CSTPP1: variants seen among roughly 807,000 people sequenced by gnomAD.
CSTPP1 encodes the protein UPF0705 protein C11orf49.
At chr11:47,151,338 A>T in the CSTPP1 span, among the ~76,000 whole-genome samples, 1 of 150,842 alleles carries the variant, frequency 6.6e-6, no homozygotes, top group Non-Finnish European at 1.5e-5. Context: ...GCTTGAACCT[A>T]GGGGGCGGAG....
chr11:47,049,982 T>A, the CSTPP1 span, among the ~76,000 whole-genome samples: 1 of 152,086 alleles, frequency 6.6e-6, no homozygotes, highest in Non-Finnish European at 1.5e-5. Flanking sequence ...ATTAATCAGA[T>A]ACACTGAAAA....
chr11:47,017,667 C>CTTT, the CSTPP1 span, among the ~76,000 whole-genome samples: 1 of 133,476 alleles, frequency 7.5e-6, no homozygotes, highest in African/African-American at 2.7e-5. Context: ...AATATATAAA[C>CTTT]TTTTTTTTTT....
chr11:47,076,846 A>AT, the CSTPP1 span, among the ~76,000 whole-genome samples: 1 of 152,000 alleles, frequency 6.6e-6, no homozygotes, highest in East Asian at 1.9e-4. Context: ...AAAAAAAAAA[A>AT]GGAACAAGAA....
the CSTPP1 span, chr11:47,162,031 C>G: frequency 9.9e-7 from 1 of 1,006,540 alleles, no homozygotes; most frequent in East Asian, 1.1e-4. Context: ...CGAATAGCCA[C>G]GCAGGGCCTT....
At chr11:47,126,815 A>G in the CSTPP1 span, among the ~76,000 whole-genome samples, 1 of 151,374 alleles carries the variant, frequency 6.6e-6, no homozygotes, top group Non-Finnish European at 1.5e-5. Flanking sequence ...GACTGTGGTC[A>G]CAGCTATTTG....
At chr11:46,945,686 T>TC in the CSTPP1 span, among the ~76,000 whole-genome samples, 1 of 152,034 alleles carries the variant, frequency 6.6e-6, no homozygotes, top group African/African-American at 2.4e-5. Flanking sequence ...TTCCTTTTCC[T>TC]CCCCCTACCC....
At chr11:46,947,827 T>A in the CSTPP1 span, among the ~76,000 whole-genome samples, 1 of 152,306 alleles carries the variant, frequency 6.6e-6, no homozygotes, top group Non-Finnish European at 1.5e-5. Flanking sequence ...TCAGATCAGG[T>A]GTTTTTTAAA....
At chr11:47,059,295 A>T in the CSTPP1 span, among the ~76,000 whole-genome samples, 1 of 152,326 alleles carries the variant, frequency 6.6e-6, no homozygotes, top group Non-Finnish European at 1.5e-5. Context: ...CACATTCTGT[A>T]CATCTATCCC....
chr11:46,946,693 A>G, the CSTPP1 span, among the ~76,000 whole-genome samples: 1 of 152,240 alleles, frequency 6.6e-6, no homozygotes, highest in Non-Finnish European at 1.5e-5. Flanking sequence ...ATAGTAGAGC[A>G]GAAGAGACAT....
At chr11:47,055,558 T>G in the CSTPP1 span, among the ~76,000 whole-genome samples, 1 of 152,146 alleles carries the variant, frequency 6.6e-6, no homozygotes, top group Non-Finnish European at 1.5e-5. Context: ...TTTCTAAAAC[T>G]TTTCCACCCA....
the CSTPP1 span, chr11:47,155,487 C>G: frequency 1.7e-6 from 1 of 582,444 alleles, no homozygotes. Context: ...CTGAACACCG[C>G]AGTGTTTTCA....
chr11:47,151,205 A>G, the CSTPP1 span, among the ~76,000 whole-genome samples: 5 of 152,226 alleles, frequency 3.3e-5, no homozygotes, highest in Non-Finnish European at 5.9e-5. Context: ...TGAGGTCAAG[A>G]GATCAAGACC....
the CSTPP1 span, among the ~76,000 whole-genome samples, chr11:47,060,039 G>A: frequency 6.6e-6 from 1 of 151,488 alleles, no homozygotes; most frequent in Non-Finnish European, 1.5e-5. Context: ...GGGAGGTGGA[G>A]GTTGCAGTGA....
the CSTPP1 span, chr11:47,041,699 C>T: frequency 8.0e-6 from 4 of 499,158 alleles, 1 homozygote; most frequent in Middle Eastern, 4.8e-4. Flanking sequence ...TCAATTTCCA[C>T]AGTGAAGAGG....
chr11:47,085,834 G>A, the CSTPP1 span, among the ~76,000 whole-genome samples: 1 of 151,380 alleles, frequency 6.6e-6, no homozygotes, highest in Non-Finnish European at 1.5e-5. Context: ...AGCCAAGGTC[G>A]CACCATTGCA....
At chr11:47,068,774 TTCTA>T in the CSTPP1 span, among the ~76,000 whole-genome samples, 6 of 152,206 alleles carry the variant, frequency 3.9e-5, no homozygotes, top group Admixed American at 1.3e-4. Context: ...TTGCATTTGC[TTCTA>T]TACCAGATCA....
the CSTPP1 span, among the ~76,000 whole-genome samples, chr11:47,030,654 T>G: frequency 6.6e-6 from 1 of 152,186 alleles, no homozygotes; most frequent in Non-Finnish European, 1.5e-5. Context: ...TTGTTTTCCC[T>G]GATCTTTTCC....
the CSTPP1 span, among the ~76,000 whole-genome samples, chr11:46,976,723 A>C: frequency 2.0e-5 from 3 of 150,730 alleles, no homozygotes; most frequent in African/African-American, 7.5e-5. Context: ...TATTGTATGC[A>C]GTCATCCATG....
the CSTPP1 span, among the ~76,000 whole-genome samples, chr11:46,960,137 G>A: frequency 6.6e-6 from 1 of 152,298 alleles, no homozygotes; most frequent in Non-Finnish European, 1.5e-5. Flanking sequence ...AAAGTGCTGG[G>A]ATTATAGGCG....
Sources: allele counts gnomAD v4.1 joint callset (sites outside exome capture counted in the v4.1 genomes callset), GRCh38; gene constraint gnomAD v4.1.1; transcripts MANE v1.5; gene names NCBI Gene and HGNC (gene_info 2026-07-23, HGNC 2026-07-21).